PBX1: variants seen among roughly 807,000 people sequenced by gnomAD.
PBX1 encodes the protein pre-B-cell leukemia transcription factor 1.
In PBX1, 6 loss-of-function variants were observed where a neutral mutation model predicts 53.4. That is an observed-to-expected ratio of 0.11 (90% CI 0.06 to 0.22). PBX1 has a LOEUF of 0.22. Among genes scored for constraint, PBX1 ranks in the 10% least tolerant of loss-of-function variants. The pLI, the probability that PBX1 is intolerant of heterozygous loss-of-function variation, is 1.00. For missense variants in PBX1, 251 were observed against 551.4 expected (o/e 0.46, Z 5.46); for synonymous variants, 204 against 212.3 (o/e 0.96, Z 0.34).
intron 2 of PBX1, among the ~76,000 whole-genome samples, chr1:164,578,431 A>G (rs560272766): frequency 6.6e-6 from 1 of 152,310 alleles, no homozygotes; most frequent in African/African-American, 2.4e-5. Flanking sequence ...TTTTTGTTTT[A>G]GACCTCCTGG....
At chr1:164,698,602 G>A (rs1221368582) in intron 2 of PBX1, among the ~76,000 whole-genome samples, 1 of 152,132 alleles carries the variant, frequency 6.6e-6, no homozygotes, top group Non-Finnish European at 1.5e-5. Context: ...GATGCTAGCA[G>A]AGGATATCTG....
intron 2 of PBX1, among the ~76,000 whole-genome samples, chr1:164,858,285 A>T (rs905688812): frequency 6.6e-6 from 1 of 152,184 alleles, no homozygotes; most frequent in Non-Finnish European, 1.5e-5. Context: ...GAGTCCAAGT[A>T]TGTGCCTTGT....
intron 6 of PBX1, chr1:164,813,869 C>T (rs758658818): frequency 6.6e-6 from 1 of 152,100 alleles, no homozygotes; most frequent in Non-Finnish European, 1.5e-5. Context: ...ATATGGTTGC[C>T]TCTTATGGAA....
rs773559168 is a variant in PBX1, at chr1:164,649,025, A to G, written c.265+85714A>G. 3.4e-4 allele frequency among the ~76,000 whole-genome samples: 52 copies of G among 152,084 alleles called. 1 individual carries two copies. The highest frequency in any genetic ancestry group is 4.4e-5 in the Non-Finnish European group (3 of 68,026). On this transcript the variant is annotated intron_variant, in intron 2 of 8. Transcript: ENST00000420696. ...TTTGCCTCTTTCATTCCAAGATGACACACCTCTGTGGGGTTACTTTGTGTT... is the reference window on the plus strand; with the variant it reads ...TTTGCCTCTTTCATTCCAAGATGACGCACCTCTGTGGGGTTACTTTGTGTT...
At chr1:164,874,788 C>T (rs1451990100) in intron 2 of PBX1, among the ~76,000 whole-genome samples, 1 of 152,170 alleles carries the variant, frequency 6.6e-6, no homozygotes, top group Non-Finnish European at 1.5e-5. Flanking sequence ...GCCACTGTGC[C>T]CAGCTTTACT....
intron 2 of PBX1, among the ~76,000 whole-genome samples, chr1:164,868,734 C>A (rs1428746434): frequency 6.6e-6 from 1 of 152,194 alleles, no homozygotes; most frequent in Non-Finnish European, 1.5e-5. Context: ...TCCACAGAGG[C>A]TCCTAGCAGT....
chr1:164,778,559 C>T (rs551657356), intron 2 of PBX1, among the ~76,000 whole-genome samples: 6 of 151,042 alleles, frequency 4.0e-5, no homozygotes, highest in Non-Finnish European at 8.8e-5. Context: ...ATTGCTTGGA[C>T]GTGGGAGGTC....
intron 2 of PBX1, among the ~76,000 whole-genome samples, chr1:164,629,340 C>T (rs1424208957): frequency 1.3e-5 from 2 of 152,088 alleles, no homozygotes; most frequent in Admixed American, 1.3e-4. Context: ...GCAGCTCATC[C>T]TCTGCATGTC....
At chr1:164,867,511 G>A (rs1250079703) in intron 2 of PBX1, among the ~76,000 whole-genome samples, 6 of 152,170 alleles carry the variant, frequency 3.9e-5, no homozygotes, top group Admixed American at 1.3e-4. Flanking sequence ...AAGGCAAATG[G>A]CCCCAGAGCC....
intron 8 of PBX1, among the ~76,000 whole-genome samples, 167 bp downstream of exon 8, chr1:164,821,793 CAAAA>C (rs1331104714): frequency 4.6e-5 from 7 of 152,230 alleles, no homozygotes; most frequent in Non-Finnish European, 1.0e-4. Flanking sequence ...ATTCTACCCA[CAAAA>C]AAAGTGGCGA....
chr1:164,860,205 C>A (rs546715253), intron 2 of PBX1, among the ~76,000 whole-genome samples: 1 of 152,300 alleles, frequency 6.6e-6, no homozygotes, highest in Non-Finnish European at 1.5e-5. Flanking sequence ...AGCTACTCCA[C>A]CTTCCCCCAA....
intron 2 of PBX1, among the ~76,000 whole-genome samples, chr1:164,698,232 A>G (rs770381212): frequency 9.9e-5 from 15 of 152,172 alleles, no homozygotes; most frequent in Non-Finnish European, 2.1e-4. Flanking sequence ...GGTGAGAGCA[A>G]GACTCCTACC....
At chr1:164,809,022 A>C (rs1355584439) in intron 5 of PBX1, among the ~76,000 whole-genome samples, 1 of 152,170 alleles carries the variant, frequency 6.6e-6, no homozygotes, top group Non-Finnish European at 1.5e-5. Context: ...TTTCCACAAA[A>C]AAGGGAATTA....
intron 2 of PBX1, among the ~76,000 whole-genome samples, chr1:164,878,323 T>C (rs1314226519): frequency 6.6e-6 from 1 of 152,230 alleles, no homozygotes; most frequent in Non-Finnish European, 1.5e-5. Context: ...GATTTTGCAA[T>C]TAAAATAAAT....
intron 2 of PBX1, among the ~76,000 whole-genome samples, chr1:164,570,451 A>G (rs1653766928): frequency 6.6e-6 from 1 of 152,070 alleles, no homozygotes. Flanking sequence ...GAGTGAGAAC[A>G]TGCGGTGTTT....
At chr1:164,805,292 C>A (rs1005280928) in intron 4 of PBX1, among the ~76,000 whole-genome samples, 1 of 152,196 alleles carries the variant, frequency 6.6e-6, no homozygotes, top group African/African-American at 2.4e-5. Flanking sequence ...TCAGTTAGCT[C>A]AACCTTATTG....
intron 2 of PBX1, among the ~76,000 whole-genome samples, chr1:164,738,903 T>G (rs1322102319): frequency 1.3e-5 from 2 of 152,230 alleles, no homozygotes; most frequent in African/African-American, 2.4e-5. Context: ...CCAAGAAACC[T>G]TCCCTAAGTA....
downstream of PBX1, among the ~76,000 whole-genome samples, chr1:164,852,780 T>C (rs1671887934): frequency 6.6e-6 from 1 of 152,206 alleles, no homozygotes; most frequent in African/African-American, 2.4e-5. Flanking sequence ...TAAGTGCCCA[T>C]TGGCCTCCAA....
At chr1:164,827,058 C>T (rs527973088) in intron 8 of PBX1, among the ~76,000 whole-genome samples, 2 of 152,174 alleles carry the variant, frequency 1.3e-5, no homozygotes, top group Admixed American at 6.5e-5. Flanking sequence ...ATCATTAGGA[C>T]AAAAATAGCC....
Sources: gnomAD v4.1 joint callset for allele counts (sites outside exome capture counted in the v4.1 genomes callset) on GRCh38, gnomAD v4.1.1 for gene constraint, MANE v1.5 for transcripts, NCBI Gene and HGNC (gene_info 2026-07-23, HGNC 2026-07-21) for gene names.